The following CDIN1 variants were observed in gnomAD, a reference collection of about 807,000 sequenced individuals.
CDIN1 encodes the protein CDAN1 interacting nuclease 1, also known as CDAN1-interacting nuclease 1.
Under a neutral mutation model 45.3 loss-of-function variants are expected in CDIN1, and 33 were observed. The ratio of observed to expected loss-of-function variants is 0.73; its 90% CI spans 0.55 to 0.97. The LOEUF is 0.97. CDIN1 is among the 50% of genes least tolerant of loss of function. The probability of loss-of-function intolerance (pLI) is 0.00; values close to 1 mark genes in which losing one functional copy is unlikely to be tolerated. For missense variants in CDIN1, 303 were observed against 339.4 expected, an observed-to-expected ratio of 0.89 and a Z score of 0.84; for synonymous variants, 118 against 124.4, an observed-to-expected ratio of 0.95 and a Z score of 0.34.
intron 10 of CDIN1, among the ~76,000 whole-genome samples, chr15:36,781,478 G>A (rs145878867): frequency 8.5e-5 from 13 of 152,250 alleles, no homozygotes; most frequent in African/African-American, 1.2e-4. Context: ...TCTTTTTCCC[G>A]TGCTTTTCCT....
intron 2 of CDIN1, among the ~76,000 whole-genome samples, chr15:36,644,655 G>C (rs1451205321): frequency 6.6e-6 from 1 of 152,198 alleles, no homozygotes; most frequent in Non-Finnish European, 1.5e-5. Flanking sequence ...ATTGCTGACA[G>C]AGATGATGAT....
chr15:36,624,545 A>G (rs754116487), intron 1 of CDIN1, among the ~76,000 whole-genome samples: 4 of 152,244 alleles, frequency 2.6e-5, no homozygotes, highest in Non-Finnish European at 5.9e-5. Context: ...TAATACAGCA[A>G]GGAAAACATG....
intron 5 of CDIN1, among the ~76,000 whole-genome samples, chr15:36,660,253 T>A (rs534936457): frequency 7.2e-4 from 109 of 152,298 alleles, no homozygotes; most frequent in African/African-American, 2.5e-3. Flanking sequence ...CCACACTTTT[T>A]GTCTAGTGTG....
In CDIN1 at chr15:36,809,770, G is replaced by A. The variant is rs2055340794; in HGVS notation, c.*1317G>A. ...ATACATTGCTTGATTTTTTTCAAAA[G>A]ACTAAATATGTCATTTATACTTTGT... is the stretch of plus-strand genomic sequence containing the variant. On this transcript the variant is annotated 3_prime_UTR_variant, in exon 11 of 11. Transcript: ENST00000566621. The A allele has an allele frequency of 6.6e-6, 1 of 152,072 alleles. No homozygotes were observed. Among genetic ancestry groups the A allele is most frequent in the African/African-American group, 2.4e-5 (1 of 41,404 alleles). 9.4% of individuals were successfully genotyped at this position (152,072 alleles called of 1,614,324 possible).
intron 8 of CDIN1, among the ~76,000 whole-genome samples, chr15:36,701,303 G>A (rs1347739454): frequency 6.6e-6 from 1 of 152,040 alleles, no homozygotes; most frequent in Non-Finnish European, 1.5e-5. Context: ...TCTGCTAAGG[G>A]TTCACTCTTA....
At position 36,800,909 on chromosome 15, in the gene CDIN1, GTATATATATATA is replaced by G. The variant is rs370036091; in HGVS notation, c.717-7391_717-7380del. Among the ~76,000 whole-genome samples the G allele has an allele frequency of 5.4e-4, 12 of 22,390 alleles. No homozygotes were observed. The South Asian group carries it at 0.017, about 32-fold the overall frequency. The allele number at this position is 22,390 out of a possible 152,430, so 14.7% of individuals were successfully genotyped here. A position where few individuals can be genotyped will look rare whatever the true frequency, so the allele number is the denominator to read the frequency against. ...TGTGTGTGTGTGTGTGTGTGTGTGT[GTATATATATATA>G]TATATATATATATATATATATATGA... On this transcript the variant is annotated intron_variant, in intron 10 of 10. Coordinates refer to ENST00000566621, the MANE Select transcript of CDIN1 (RefSeq NM_001321759.2).
intron 1 of CDIN1, chr15:36,613,813 A>T: frequency 1.2e-6 from 2 of 1,603,190 alleles, no homozygotes; most frequent in Non-Finnish European, 1.7e-6. Flanking sequence ...AACCCAAAGA[A>T]GCTAAGCACA....
At chr15:36,617,172 G>A (rs2038935826) in intron 1 of CDIN1, 1 of 930,270 alleles carries the variant, frequency 1.1e-6, no homozygotes, top group Non-Finnish European at 1.8e-6. Flanking sequence ...TTGCTCCTGG[G>A]AATACTGATG....
In CDIN1 at chr15:36,671,602, C is replaced by G. The variant is rs528459126; in HGVS notation, c.346+13697C>G. 2.0e-5 allele frequency among the ~76,000 whole-genome samples: 3 copies of G among 152,108 alleles called. No homozygotes were observed. In the South Asian group the frequency reaches 6.2e-4, roughly 32 times the overall value. On this transcript the variant is annotated intron_variant, in intron 5 of 10. Transcript: ENST00000566621. ...AGGCTCTAGTAGGACAGATGAGGTC[C>G]TCACAGCTGCATGTTCAATTTAGAT... is the stretch of plus-strand genomic sequence containing the variant.
chr15:36,761,982 G>A (rs1214309160), intron 10 of CDIN1, among the ~76,000 whole-genome samples: 2 of 152,132 alleles, frequency 1.3e-5, no homozygotes, highest in Non-Finnish European at 2.9e-5. Flanking sequence ...GGTTATAAAC[G>A]GTGTTAAGCT....
intron 1 of CDIN1, among the ~76,000 whole-genome samples, chr15:36,600,523 C>T (rs1385959936): frequency 6.6e-6 from 1 of 152,180 alleles, no homozygotes; most frequent in Non-Finnish European, 1.5e-5. Flanking sequence ...CTACCATGAT[C>T]AATCAAATAA....
At chr15:36,729,613 C>T (rs2043767620) in intron 10 of CDIN1, among the ~76,000 whole-genome samples, 2 of 152,128 alleles carry the variant, frequency 1.3e-5, no homozygotes, top group Admixed American at 6.5e-5. Flanking sequence ...AGTGTAACTG[C>T]CCAGCTCCTG....
chr15:36,582,619 A>C (rs1979204), intron 1 of CDIN1, among the ~76,000 whole-genome samples: 29,053 of 152,212 alleles, frequency 0.19, 3,369 homozygotes, highest in East Asian at 0.32. Context: ...TTTTATAAAA[A>C]TAGTCGTGTT....
In CDIN1 at chr15:36,657,429, T is replaced by C. The variant is rs2040822231; in HGVS notation, c.274-404T>C. ...CTGTCACTAAATAACAAAAAGGGCT[T>C]ATTATTTGAAATTGCATTCAGAACA... is the stretch of plus-strand genomic sequence containing the variant. On this transcript the variant is annotated intron_variant, in intron 4 of 10. Coordinates refer to ENST00000566621, the MANE Select transcript of CDIN1 (RefSeq NM_001321759.2). Among the ~76,000 whole-genome samples the C allele has an allele frequency of 2.0e-5, 3 of 152,258 alleles. No homozygotes were observed. In the South Asian group the frequency reaches 6.2e-4, roughly 32 times the overall value.
chr15:36,664,599 T>G (rs531631524), intron 5 of CDIN1, among the ~76,000 whole-genome samples: 138 of 151,996 alleles, frequency 9.1e-4, no homozygotes, highest in Non-Finnish European at 1.7e-3. Flanking sequence ...CAGGCTGGAG[T>G]GCAGTGGCAC....
intron 10 of CDIN1, among the ~76,000 whole-genome samples, chr15:36,763,528 A>G (rs1165318230): frequency 6.6e-6 from 1 of 152,138 alleles, no homozygotes; most frequent in Non-Finnish European, 1.5e-5. Context: ...CTAGGAACCC[A>G]AGGTGTCAAA....
At chr15:36,732,333 A>C (rs1210246373) in intron 10 of CDIN1, among the ~76,000 whole-genome samples, 1 of 152,090 alleles carries the variant, frequency 6.6e-6, no homozygotes, top group Non-Finnish European at 1.5e-5. Context: ...CTTAAGAGAC[A>C]TCCTAACCAA....
intron 10 of CDIN1, among the ~76,000 whole-genome samples, chr15:36,766,268 T>A (rs1012725225): frequency 6.6e-6 from 1 of 152,244 alleles, no homozygotes; most frequent in Non-Finnish European, 1.5e-5. Flanking sequence ...AATATTCCAC[T>A]GTATGTATGT....
At chr15:36,743,132 G>T (rs144817606) in intron 10 of CDIN1, among the ~76,000 whole-genome samples, 1 of 152,316 alleles carries the variant, frequency 6.6e-6, no homozygotes, top group African/African-American at 2.4e-5. Context: ...GATGATATTG[G>T]AGAAGTAAGA....
Sources: gnomAD v4.1 joint callset for allele counts (sites outside exome capture counted in the v4.1 genomes callset) on GRCh38, gnomAD v4.1.1 for gene constraint, MANE v1.5 for transcripts, NCBI Gene and HGNC (gene_info 2026-07-23, HGNC 2026-07-21) for gene names.